Variants in MATN2 observed in about 807,000 individuals in gnomAD.
MATN2 encodes matrilin-2.
In MATN2, 69 loss-of-function variants were observed where a neutral mutation model predicts 103.2. That is an observed-to-expected ratio of 0.67 (90% CI 0.55 to 0.82). MATN2 has a LOEUF of 0.82. Ranked by LOEUF, MATN2 falls within the 40% of genes least tolerant of loss-of-function variation. The probability of loss-of-function intolerance (pLI) is 0.00; values close to 1 mark genes in which losing one functional copy is unlikely to be tolerated. For synonymous variants in MATN2, 429 were observed against 450.2 expected (o/e 0.95, Z 0.60); for missense variants, 1,023 against 1,211.5 (o/e 0.84, Z 2.31).
At chr8:97,997,817 GTTT>G (rs34347663) in intron 7 of MATN2, among the ~76,000 whole-genome samples, 9 of 133,648 alleles carry the variant, frequency 6.7e-5, no homozygotes, top group Non-Finnish European at 9.5e-5. Context: ...TTTGGAGAAG[GTTT>G]TTTTTTTTTT....
At chr8:97,993,230 G>T (rs1812458447) in intron 6 of MATN2, among the ~76,000 whole-genome samples, 1 of 151,994 alleles carries the variant, frequency 6.6e-6, no homozygotes, top group Admixed American at 6.5e-5. Context: ...CCCTTACTCA[G>T]TTTGTTTCCT....
Position 98,033,087 on chromosome 8 carries a change from C to A in MATN2, c.2627C>A (p.Ser876Tyr). 6.2e-7 allele frequency: 1 copy of A among 1,611,950 alleles called. No individual in the cohort carries two copies. Residue 876 changes from serine to tyrosine, a missense_variant, in exon 17 of 19, where the codon TCT (serine) becomes TAT (tyrosine). Coordinates refer to ENST00000254898, the MANE Select transcript of MATN2 (RefSeq NM_002380.5). ...AATATCCAAGACCTACTTTCCTGTT[C>A]TAATTTTGCAGTGCAACACAGATAT... The part of the protein sequence containing the change: ...TINIQDLLSC[S>Y]NFAVQHRYLF...
At chr8:98,008,875 T>C (rs1218437293) in intron 10 of MATN2, among the ~76,000 whole-genome samples, 1 of 152,232 alleles carries the variant, frequency 6.6e-6, no homozygotes, top group African/African-American at 2.4e-5. Context: ...AAGATGGTTG[T>C]AGGACCCTAC....
intron 7 of MATN2, among the ~76,000 whole-genome samples, chr8:97,996,572 C>T (rs1309400307): frequency 6.6e-6 from 1 of 152,216 alleles, no homozygotes; most frequent in African/African-American, 2.4e-5. Context: ...GTGTCCTCAT[C>T]AGCCCTCGCC....
In MATN2 at chr8:98,026,375, T is replaced by C. The variant is rs781354426; in HGVS notation, c.1943-1041T>C. On this transcript the variant is annotated intron_variant, in intron 13 of 18. Transcript: ENST00000254898. ...CTTGGGCTCCGGTAATCTTTCTGCC[T>C]CAGCCTCCCAAGTAGCTAGGGCTAC... is the stretch of plus-strand genomic sequence containing the variant. Among the ~76,000 whole-genome samples the C allele has an allele frequency of 3.3e-5, 5 of 151,838 alleles. No individual in the cohort carries two copies. The South Asian group carries it at 1.0e-3, about 32-fold the overall frequency.
chr8:98,014,203 A>G (rs1198622170), intron 10 of MATN2, among the ~76,000 whole-genome samples: 1 of 152,176 alleles, frequency 6.6e-6, no homozygotes, highest in Admixed American at 6.5e-5. Flanking sequence ...GTCTGTCTGG[A>G]TTATGGCTTG....
chr8:98,036,521 C>T lies in MATN2; in HGVS notation c.*809C>T, dbSNP rs1434680851. 6.6e-6 allele frequency: 1 copy of T among 152,196 alleles called. No individual in the cohort carries two copies. The highest frequency in any genetic ancestry group is 6.5e-5 in the Admixed American group (1 of 15,278). The allele number at this position is 152,196 out of a possible 1,614,324, so 9.4% of individuals were successfully genotyped here. A position where few individuals can be genotyped will look rare whatever the true frequency, so the allele number is the denominator to read the frequency against. ...CAACCCTGTAAATCTAGCAACTGCA[C>T]TCAGTTGATTTCAGCCCATACATAC... On this transcript the variant is annotated 3_prime_UTR_variant, in exon 19 of 19. Coordinates refer to ENST00000254898, the MANE Select transcript of MATN2 (RefSeq NM_002380.5).
chr8:97,983,417 A>C (rs1474654760), intron 6 of MATN2, among the ~76,000 whole-genome samples: 6 of 152,172 alleles, frequency 3.9e-5, no homozygotes, highest in African/African-American at 1.4e-4. Flanking sequence ...TATGGTAGCA[A>C]GACTTTTTGA....
intron 11 of MATN2, 59 bp from the exon 12 acceptor site, chr8:98,017,935 T>G (rs1586161187): frequency 1.3e-6 from 2 of 1,595,848 alleles, no homozygotes; most frequent in Middle Eastern, 1.7e-4. Context: ...TCCTCCAAGG[T>G]GAAGTCCATG....
chr8:97,927,866 G>A (rs1208878998), intron 2 of MATN2, among the ~76,000 whole-genome samples: 3 of 152,164 alleles, frequency 2.0e-5, no homozygotes, highest in Non-Finnish European at 4.4e-5. Flanking sequence ...CCAATCCAAG[G>A]AGGCTCTGCT....
chr8:97,931,217 C>A lies in MATN2; in HGVS notation c.407C>A (p.Thr136Asn). ...RMRHLSTGTM[T>N]GLAIQYALNI... ...CGGCATCTGTCCACGGGCACCATGA[C>A]TGGGCTGGCCATCCAGTATGCCCTG... Residue 136 changes from threonine to asparagine, a missense_variant, in exon 3 of 19, where the codon ACT (threonine) becomes AAT (asparagine). Coordinates refer to ENST00000254898, the MANE Select transcript of MATN2 (RefSeq NM_002380.5). The surrounding 1 kb of genome is among the most constrained non-coding windows in gnomAD (Gnocchi z 4.1). 6.2e-7 allele frequency: 1 copy of A among 1,613,616 alleles called. No homozygotes were observed. Among genetic ancestry groups the A allele is most frequent in the Non-Finnish European group, 8.5e-7 (1 of 1,179,630 alleles).
chr8:97,930,994 A>G lies in MATN2; in HGVS notation c.184A>G (p.Ile62Val). 6.2e-7 allele frequency: 1 copy of G among 1,613,494 alleles called. No homozygotes were observed. Among genetic ancestry groups the G allele is most frequent in the Non-Finnish European group, 8.5e-7 (1 of 1,179,596 alleles). Residue 62 changes from isoleucine (I) to valine (V), a missense_variant, in exon 3 of 19, where the codon ATT (isoleucine) becomes GTT (valine). Coordinates refer to ENST00000254898, the MANE Select transcript of MATN2 (RefSeq NM_002380.5). ...ENKRADLVFI[I>V]DSSRSVNTHD... Reference sequence around the variant, plus strand: ...CAAGCGGGCAGACCTGGTTTTCATCATTGACAGCTCTCGCAGTGTCAACAC... The same window carrying G: ...CAAGCGGGCAGACCTGGTTTTCATCGTTGACAGCTCTCGCAGTGTCAACAC...
chr8:97,968,070 G>A (rs1004228966), intron 5 of MATN2, among the ~76,000 whole-genome samples: 3 of 152,224 alleles, frequency 2.0e-5, no homozygotes, highest in Admixed American at 2.0e-4. Context: ...ATGGTGGCTT[G>A]TACTCTCTGG....
rs1468698441 is a variant in MATN2 at position 98,026,250 on chromosome 8, A to T, written c.1943-1166A>T. On this transcript the variant is annotated intron_variant, in intron 13 of 18. Coordinates refer to ENST00000254898, the MANE Select transcript of MATN2 (RefSeq NM_002380.5). The stretch of plus-strand genomic sequence containing the variant: ...AATTTATGGTGATAACTTTTTTTTT[A>T]ATTTTGTTTTTTTTTTTTTTACGGA... Among the ~76,000 whole-genome samples the T allele has an allele frequency of 1.7e-3, 242 of 145,980 alleles. 8 individuals carry two copies. The South Asian group carries it at 0.049, about 30-fold the overall frequency.
intron 1 of MATN2, among the ~76,000 whole-genome samples, chr8:97,874,265 T>A (rs935600073): frequency 5.3e-5 from 8 of 152,146 alleles, no homozygotes; most frequent in Admixed American, 1.3e-4. Flanking sequence ...GAGAATTTGT[T>A]CCCCTGCCTT....
intron 7 of MATN2, among the ~76,000 whole-genome samples, chr8:97,997,613 G>A (rs1029034183): frequency 6.6e-6 from 1 of 152,150 alleles, no homozygotes; most frequent in Admixed American, 6.5e-5. Context: ...ATTAAGTTGT[G>A]TCCATCCTGT....
intron 1 of MATN2, among the ~76,000 whole-genome samples, chr8:97,882,416 G>A (rs546986814): frequency 5.3e-5 from 8 of 150,504 alleles, no homozygotes; most frequent in South Asian, 4.2e-4. Context: ...TTTTGAGGCC[G>A]GGTCTTGCTC....
At chr8:97,876,186 A>ATTTTTTTTT (rs899171638) in intron 1 of MATN2, among the ~76,000 whole-genome samples, 2 of 106,300 alleles carry the variant, frequency 1.9e-5, no homozygotes, top group Admixed American at 9.7e-5. Context: ...TAATTATTGT[A>ATTTTTTTTT]TTTTTTTTTT....
chr8:97,903,315 C>A (rs1011969258), intron 2 of MATN2, among the ~76,000 whole-genome samples: 1 of 152,090 alleles, frequency 6.6e-6, no homozygotes, highest in Non-Finnish European at 1.5e-5. Flanking sequence ...GTTATAATGC[C>A]AGGGTAAAGA....
Sources: gnomAD v4.1 joint callset for allele counts (sites outside exome capture counted in the v4.1 genomes callset) on GRCh38, gnomAD v4.1.1 for gene constraint, Gnocchi (gnomAD v3.1) non-coding constraint, MANE v1.5 for transcripts, NCBI Gene and HGNC (gene_info 2026-07-23, HGNC 2026-07-21) for gene names.